The following SH3BP4 variants were observed in gnomAD, a reference collection of about 807,000 sequenced individuals.
SH3BP4 encodes SH3 domain binding protein 4, also known as SH3 domain-binding protein 4.
Under a neutral mutation model 65.5 loss-of-function variants are expected in SH3BP4, and 33 were observed. The observed-to-expected ratio is 0.50, with a 90% confidence interval of 0.38 to 0.67. The LOEUF (loss-of-function observed/expected upper bound fraction) is 0.67. Among genes scored for constraint, SH3BP4 ranks in the 30% least tolerant of loss-of-function variants. The pLI is 0.00. For synonymous variants in SH3BP4, 552 were observed against 545.5 expected (o/e 1.01, Z -0.17); for missense variants, 1,134 against 1,261.4 (o/e 0.90, Z 1.53).
At chr2:234,971,102 G>A (rs1692986823) in intron 1 of SH3BP4, among the ~76,000 whole-genome samples, 1 of 152,150 alleles carries the variant, frequency 6.6e-6, no homozygotes, top group South Asian at 2.1e-4. Flanking sequence ...CCTTAGTGTT[G>A]TACAGCAGAA....
At position 235,043,048 on chromosome 2, in the gene SH3BP4, C is replaced by G. The variant is rs562205128; in HGVS notation, c.2279C>G (p.Thr760Ser). Residue 760 changes from threonine (T) to serine (S), a missense_variant, in exon 4 of 6, where the codon ACC becomes AGC. Physicochemically the swap from Thr to Ser is moderately conservative, Grantham distance 58. Transcript: ENST00000392011. ...FLTYIYASVR[T>S]LLMENISSWR... is the part of the protein sequence containing the mutation. ...ACGTACATCTATGCCTCCGTGAGGA[C>G]CCTGCTCATGGAGAACATCAGCAGC... 1.2e-4 allele frequency: 196 copies of G among 1,612,582 alleles called. 1 individual carries two copies. In the South Asian group the frequency reaches 2.0e-3, roughly 17 times the overall value.
At chr2:234,980,685 G>A (rs575580506) in intron 1 of SH3BP4, among the ~76,000 whole-genome samples, 1 of 152,258 alleles carries the variant, frequency 6.6e-6, no homozygotes, top group South Asian at 2.1e-4. Context: ...CTTCAGGTTC[G>A]CCCAGGCTCC....
rs1329796861 is a variant in SH3BP4 at position 235,041,927 on chromosome 2, G to A, written c.1158G>A (p.Glu386=). 5.0e-6 allele frequency: 8 copies of A among 1,613,530 alleles called. No homozygotes were observed. The highest frequency in any genetic ancestry group is 1.7e-5 in the Admixed American group (1 of 60,006). The change falls in exon 4 of 6, where the codon GAG becomes GAA. Residue 386 remains glutamate (E), a synonymous_variant. Transcript: ENST00000392011. This position sits in a 1 kb window ranked among gnomAD's most constrained non-coding sequence, Gnocchi z 6.0. ...TGGAGGTCAAGCTGAGCAACCTGGA[G>A]GTGAAAACCTCTATCATCTTGGAGA... ...PVLEVKLSNL[E]VKTSIILEMK...
Position 235,034,893 on chromosome 2 carries a change from A to G in SH3BP4, c.-110A>G. The G allele has an allele frequency of 1.2e-6, 1 of 853,956 alleles. No individual in the cohort carries two copies. The highest frequency in any genetic ancestry group is 1.7e-5 in the African/African-American group (1 of 59,070). 52.9% of individuals were successfully genotyped at this position (853,956 alleles called of 1,614,324 possible). A position where few individuals can be genotyped will look rare whatever the true frequency, so the allele number is the denominator to read the frequency against. ...CAGGAAGAAACATATTGCCGAGTGGATGCCGCCGCGCAGCGTGTTTGCTTG... is the reference window on the plus strand; with the variant it reads ...CAGGAAGAAACATATTGCCGAGTGGGTGCCGCCGCGCAGCGTGTTTGCTTG... On this transcript the variant is annotated 5_prime_UTR_variant, in exon 3 of 6. An upstream start codon of the reference 5' UTR is lost. Coordinates refer to ENST00000392011, the MANE Select transcript of SH3BP4 (RefSeq NM_014521.3). This position sits in a 1 kb window ranked among gnomAD's most constrained non-coding sequence, Gnocchi z 6.2.
chr2:234,953,925 A>G (rs896150596), intron 1 of SH3BP4, among the ~76,000 whole-genome samples: 4 of 151,846 alleles, frequency 2.6e-5, no homozygotes, highest in African/African-American at 7.2e-5. Flanking sequence ...TTCTGCTTGT[A>G]GGCGGATTTC....
In SH3BP4 at chr2:235,034,904, CAGCGTGTTTG is replaced by C. The variant is rs1233959395; in HGVS notation, c.-98_-89del. 1.0e-6 allele frequency: 1 copy of C among 983,158 alleles called. No individual in the cohort carries two copies. The highest frequency in any genetic ancestry group is 1.6e-5 in the African/African-American group (1 of 61,896). 60.9% of individuals were successfully genotyped at this position (983,158 alleles called of 1,614,324 possible). On this transcript the variant is annotated 5_prime_UTR_variant, in exon 3 of 6. An upstream open reading frame in the 5' UTR loses its in-frame stop. Coordinates refer to ENST00000392011, the MANE Select transcript of SH3BP4 (RefSeq NM_014521.3). The surrounding 1 kb of genome is among the most constrained non-coding windows in gnomAD (Gnocchi z 6.2). ...ATATTGCCGAGTGGATGCCGCCGCGCAGCGTGTTTGCTTGAGGCAGAAGCTTCAGCATCTG... is the reference window on the plus strand; with the variant it reads ...ATATTGCCGAGTGGATGCCGCCGCGCCTTGAGGCAGAAGCTTCAGCATCTG...
chr2:234,972,097 G>C (rs1217657696), intron 1 of SH3BP4, among the ~76,000 whole-genome samples: 1 of 150,374 alleles, frequency 6.7e-6, no homozygotes, highest in African/African-American at 2.5e-5. Flanking sequence ...TTACAGGTGT[G>C]AGCCACCGTG....
chr2:234,953,265 A>C (rs1692517200), intron 1 of SH3BP4: 1 of 152,264 alleles, frequency 6.6e-6, no homozygotes, highest in Non-Finnish European at 1.5e-5. Flanking sequence ...GCAAACAGGA[A>C]ACCATCCCCA....
rs1696167962 is a variant in SH3BP4 at position 235,054,586 on chromosome 2, A to C, written c.*770A>C. 1 of 152,244 alleles carries C rather than the reference A, an allele frequency of 6.6e-6. No homozygotes were observed. The highest frequency in any genetic ancestry group is 2.4e-5 in the African/African-American group (1 of 41,458). The allele number at this position is 152,244 out of a possible 1,614,324, so 9.4% of individuals were successfully genotyped here. On this transcript the variant is annotated 3_prime_UTR_variant, in exon 6 of 6. Transcript: ENST00000392011. ...GATTAGAAAGCAGCCATGAGTTGACAGTCTTTAGGGCCCCTGCCAGTGTGC... is the reference window on the plus strand; with the variant it reads ...GATTAGAAAGCAGCCATGAGTTGACCGTCTTTAGGGCCCCTGCCAGTGTGC...
At chr2:234,984,200 C>CGTTTGTTTGTTTGTTT (rs112568346) in intron 1 of SH3BP4, among the ~76,000 whole-genome samples, 27 of 152,096 alleles carry the variant, frequency 1.8e-4, no homozygotes, top group African/African-American at 5.1e-4. Context: ...TATGAGTTTT[C>CGTTTGTTTGTTTGTTT]GTTTGTTTGT....
intron 1 of SH3BP4, among the ~76,000 whole-genome samples, chr2:234,971,150 G>T (rs1002465005): frequency 6.6e-6 from 1 of 152,132 alleles, no homozygotes; most frequent in African/African-American, 2.4e-5. Flanking sequence ...TGAAAATTCT[G>T]TACCCGTTTC....
chr2:234,970,497 G>C (rs556626205), intron 1 of SH3BP4, among the ~76,000 whole-genome samples: 1 of 152,338 alleles, frequency 6.6e-6, no homozygotes, highest in Non-Finnish European at 1.5e-5. Flanking sequence ...TACGTGTCTT[G>C]AGTGGTATCA....
At chr2:235,020,615 A>G (rs1342865014) in intron 2 of SH3BP4, among the ~76,000 whole-genome samples, 3 of 152,196 alleles carry the variant, frequency 2.0e-5, no homozygotes, top group East Asian at 3.8e-4. Flanking sequence ...CAAATTTAAA[A>G]TATCATAATG....
chr2:235,005,690 T>C (rs1043477467), intron 2 of SH3BP4, among the ~76,000 whole-genome samples: 5 of 152,190 alleles, frequency 3.3e-5, no homozygotes, highest in African/African-American at 1.2e-4. Flanking sequence ...TGCTTCTGCC[T>C]TTCAGAGCTT....
At chr2:235,044,418 C>T (rs1351223250) in intron 4 of SH3BP4, among the ~76,000 whole-genome samples, 2 of 152,348 alleles carry the variant, frequency 1.3e-5, no homozygotes, top group East Asian at 3.9e-4. Context: ...TTAGCCATAT[C>T]CGTGTCCTGG....
intron 4 of SH3BP4, among the ~76,000 whole-genome samples, chr2:235,051,938 T>G (rs1559262251): frequency 6.6e-6 from 1 of 152,152 alleles, no homozygotes; most frequent in African/African-American, 2.4e-5. Context: ...CCCTGTCTGT[T>G]AGCTTCCTGG....
chr2:234,968,474 A>G (rs1692897144), intron 1 of SH3BP4, among the ~76,000 whole-genome samples: 1 of 131,058 alleles, frequency 7.6e-6, no homozygotes, highest in African/African-American at 2.9e-5. Context: ...ACAGTTTTTT[A>G]CTTTGGAGAA....
chr2:235,009,764 G>A (rs1012713412), intron 2 of SH3BP4, among the ~76,000 whole-genome samples: 4 of 151,978 alleles, frequency 2.6e-5, no homozygotes, highest in Admixed American at 6.6e-5. Flanking sequence ...TGCTCCTCAC[G>A]TGGGTACCCT....
intron 1 of SH3BP4, among the ~76,000 whole-genome samples, chr2:234,970,349 G>A (rs1445245543): frequency 6.6e-6 from 1 of 152,206 alleles, no homozygotes; most frequent in South Asian, 2.1e-4. Flanking sequence ...TAAAGATACT[G>A]CTCAGGTCCT....
Sources: allele counts gnomAD v4.1 joint callset (sites outside exome capture counted in the v4.1 genomes callset), GRCh38; gene constraint gnomAD v4.1.1; non-coding constraint Gnocchi (gnomAD v3.1); transcripts MANE v1.5; gene names NCBI Gene and HGNC (gene_info 2026-07-23, HGNC 2026-07-21).